MTARC1: variants seen among roughly 807,000 people sequenced by gnomAD.
MTARC1 encodes mitochondrial amidoxime-reducing component 1.
Under a neutral mutation model 33.6 loss-of-function variants are expected in MTARC1, and 24 were observed. The ratio of observed to expected loss-of-function variants is 0.72; its 90% CI spans 0.52 to 1.01. The LOEUF (loss-of-function observed/expected upper bound fraction) is 1.01. Ranked by LOEUF, MTARC1 falls within the 50% of genes least tolerant of loss-of-function variation. The probability of loss-of-function intolerance (pLI) is 0.00; values close to 1 mark genes in which losing one functional copy is unlikely to be tolerated. For synonymous variants in MTARC1, 187 were observed against 189.5 expected, an observed-to-expected ratio of 0.99 and a Z score of 0.11; for missense variants, 417 against 445.7, an observed-to-expected ratio of 0.94 and a Z score of 0.58.
chr1:220,797,784 A>G, intron 3 of MTARC1, 90 bp from the exon 4 acceptor site: 1 of 1,197,696 alleles, frequency 8.3e-7, no homozygotes, highest in Non-Finnish European at 1.2e-6. Context: ...GGTGGGGTGG[A>G]GCATGGAGGC....
At chr1:220,799,995 G>C (rs1315387417) in intron 4 of MTARC1, among the ~76,000 whole-genome samples, 3 of 152,168 alleles carry the variant, frequency 2.0e-5, no homozygotes, top group Admixed American at 2.0e-4. Context: ...TTTGGCTCAG[G>C]TACCAGCTTT....
chr1:220,816,528 T>C lies in MTARC1; in HGVS notation c.*3110T>C, dbSNP rs916970329. 1 of 152,248 alleles carries C rather than the reference T, an allele frequency of 6.6e-6. No homozygotes were observed. The highest frequency in any genetic ancestry group is 2.4e-5 in the African/African-American group (1 of 41,460). 9.4% of individuals were successfully genotyped at this position (152,248 alleles called of 1,614,324 possible). A position where few individuals can be genotyped will look rare whatever the true frequency, so the allele number is the denominator to read the frequency against. Reference sequence around the variant, plus strand: ...GTTTGGAAAGTCCTGCGTGCCTCACTTCTCTTCAAAGGCAAAAGGCTCTGG... The same window carrying C: ...GTTTGGAAAGTCCTGCGTGCCTCACCTCTCTTCAAAGGCAAAAGGCTCTGG... On this transcript the variant is annotated 3_prime_UTR_variant, in exon 7 of 7. Transcript: ENST00000366910.
intron 4 of MTARC1, among the ~76,000 whole-genome samples, chr1:220,799,655 G>T (rs1192715381): frequency 6.6e-6 from 1 of 152,140 alleles, no homozygotes; most frequent in East Asian, 1.9e-4. Context: ...GAGGTGAGGT[G>T]GCCTGCCCTA....
intron 6 of MTARC1, among the ~76,000 whole-genome samples, chr1:220,812,777 C>T (rs567490521): frequency 3.1e-4 from 47 of 151,358 alleles, no homozygotes; most frequent in African/African-American, 9.9e-4. Context: ...CAGGCTGGAG[C>T]GCAGTGGCAC....
At chr1:220,791,360 C>A in intron 1 of MTARC1, 131 bp from the exon 2 acceptor site, 1 of 931,228 alleles carries the variant, frequency 1.1e-6, no homozygotes, top group Non-Finnish European at 1.6e-6. Flanking sequence ...CAGACACACA[C>A]ACTCAAACTC....
At chr1:220,805,905 A>C (rs2642418) in intron 6 of MTARC1, among the ~76,000 whole-genome samples, 71,461 of 151,964 alleles carry the variant, frequency 0.47, 17,947 homozygotes, top group African/African-American at 0.67. Context: ...GATAGTCAAG[A>C]TGCTGTGTTG....
At chr1:220,788,746 A>C (rs991050519) in intron 1 of MTARC1, among the ~76,000 whole-genome samples, 4 of 151,428 alleles carry the variant, frequency 2.6e-5, no homozygotes, top group Non-Finnish European at 5.9e-5. Context: ...CCACTGTGGC[A>C]GAGATCTCGC....
chr1:220,802,705 C>T (rs746111310), intron 4 of MTARC1, among the ~76,000 whole-genome samples: 2 of 152,162 alleles, frequency 1.3e-5, no homozygotes, highest in Non-Finnish European at 2.9e-5. Flanking sequence ...AGGCTCAGAG[C>T]GTGACAGTCG....
chr1:220,798,764 T>C (rs1672697892), intron 4 of MTARC1: 4 of 850,506 alleles, frequency 4.7e-6, no homozygotes, highest in Non-Finnish European at 5.7e-6. Flanking sequence ...CTCAAATTTA[T>C]GTTGAGAAGG....
At chr1:220,791,288 G>A (rs562134011) in intron 1 of MTARC1, among the ~76,000 whole-genome samples, 6 of 152,154 alleles carry the variant, frequency 3.9e-5, no homozygotes, top group African/African-American at 1.4e-4. Context: ...TGCTTGAGTG[G>A]TTATGAAATC....
intron 6 of MTARC1, among the ~76,000 whole-genome samples, chr1:220,807,308 C>T (rs566807608): frequency 2.1e-4 from 32 of 152,294 alleles, no homozygotes; most frequent in African/African-American, 6.7e-4. Flanking sequence ...CAAGGGCAGG[C>T]ACGATGGCTC....
chr1:220,804,962 G>C lies in MTARC1; in HGVS notation c.754-90G>C. 2.9e-6 allele frequency: 4 copies of C among 1,382,082 alleles called. No individual in the cohort carries two copies. In the South Asian group the frequency reaches 4.6e-5, roughly 16 times the overall value. 85.6% of individuals were successfully genotyped at this position (1,382,082 alleles called of 1,614,324 possible). On this transcript the variant is annotated intron_variant, in intron 4 of 6. Transcript: ENST00000366910. ...TGCCATCACTGATGTGGGTGACATC[G>C]TTAGGTGCGAGGGCTCCTGGGAAAT...
At chr1:220,803,021 C>A (rs1180299256) in intron 4 of MTARC1, among the ~76,000 whole-genome samples, 1 of 152,206 alleles carries the variant, frequency 6.6e-6, no homozygotes. Flanking sequence ...CCACAGTCTG[C>A]TTTTCCAGCC....
At chr1:220,796,475 C>G (rs1023247616) in intron 2 of MTARC1, among the ~76,000 whole-genome samples, 168 bp from the exon 3 acceptor site, 7 of 152,274 alleles carry the variant, frequency 4.6e-5, no homozygotes, top group East Asian at 1.9e-4. Flanking sequence ...TTTCATTTGG[C>G]CTTACACAGG....
chr1:220,818,874 C>A lies in MTARC1; in HGVS notation c.*5456C>A, dbSNP rs374196964. On this transcript the variant is annotated 3_prime_UTR_variant, in exon 7 of 7. Transcript: ENST00000366910. ...CCGCTTGTTAGTCCGAGGCCCAGGACGGCCGAGGACAGCTGGAGAGCTCTT... is the reference window on the plus strand; with the variant it reads ...CCGCTTGTTAGTCCGAGGCCCAGGAAGGCCGAGGACAGCTGGAGAGCTCTT... The A allele has an allele frequency of 4.6e-5, 7 of 152,234 alleles. No homozygotes were observed. The highest frequency in any genetic ancestry group is 3.3e-4 in the Admixed American group (5 of 15,286). The allele number at this position is 152,234 out of a possible 1,614,324, so 9.4% of individuals were successfully genotyped here. A position where few individuals can be genotyped will look rare whatever the true frequency, so the allele number is the denominator to read the frequency against.
At chr1:220,811,183 T>G (rs1234822207) in intron 6 of MTARC1, among the ~76,000 whole-genome samples, 1 of 152,192 alleles carries the variant, frequency 6.6e-6, no homozygotes, top group Non-Finnish European at 1.5e-5. Flanking sequence ...GTCATGAATG[T>G]TGCATGCTGA....
chr1:220,797,524 A>T (rs764947747), intron 3 of MTARC1, among the ~76,000 whole-genome samples: 4 of 152,236 alleles, frequency 2.6e-5, no homozygotes, highest in Non-Finnish European at 5.9e-5. Context: ...ATTAGTGAAC[A>T]TTTAAATCAA....
At position 220,813,733 on chromosome 1, in the gene MTARC1, C is replaced by T. The variant is rs747721155; in HGVS notation, c.*315C>T. 3.2e-5 allele frequency: 9 copies of T among 278,294 alleles called. No homozygotes were observed. The highest frequency in any genetic ancestry group is 2.3e-4 in the South Asian group (5 of 22,148). The allele number at this position is 278,294 out of a possible 1,614,324, so 17.2% of individuals were successfully genotyped here. On this transcript the variant is annotated 3_prime_UTR_variant, in exon 7 of 7. Transcript: ENST00000366910. ...TGCTTCTCCGTTTATCTACCAAGAGCGCAGACTTGCATCCTGTCACTACCA... is the reference window on the plus strand; with the variant it reads ...TGCTTCTCCGTTTATCTACCAAGAGTGCAGACTTGCATCCTGTCACTACCA...
chr1:220,789,368 G>C (rs1672351667), intron 1 of MTARC1, among the ~76,000 whole-genome samples: 1 of 152,166 alleles, frequency 6.6e-6, no homozygotes, highest in South Asian at 2.1e-4. Context: ...GCTTCCCTGG[G>C]CCACATTGGA....
Sources: allele counts gnomAD v4.1 joint callset (sites outside exome capture counted in the v4.1 genomes callset), GRCh38; gene constraint gnomAD v4.1.1; transcripts MANE v1.5; gene names NCBI Gene and HGNC (gene_info 2026-07-23, HGNC 2026-07-21).